The following SNX1 variants were observed in gnomAD, a reference collection of about 807,000 sequenced individuals.
The protein encoded by SNX1 is sorting nexin-1.
A neutral mutation model predicts 71.8 loss-of-function variants in SNX1; 36 were observed. The observed-to-expected ratio is 0.50, with a 90% confidence interval of 0.38 to 0.66. The LOEUF (loss-of-function observed/expected upper bound fraction) is 0.66, where lower values mean the gene tolerates loss of function less well. Among genes scored for constraint, SNX1 ranks in the 30% least tolerant of loss-of-function variants. SNX1 has a pLI of 0.00. For synonymous variants in SNX1, 254 were observed against 240.7 expected, an observed-to-expected ratio of 1.06 and a Z score of -0.51; for missense variants, 612 against 646.7, an observed-to-expected ratio of 0.95 and a Z score of 0.58.
At chr15:64,124,178 A>ATATATATATATATGTATG (rs1445871067) in intron 5 of SNX1, among the ~76,000 whole-genome samples, 21 of 123,560 alleles carry the variant, frequency 1.7e-4, no homozygotes, top group African/African-American at 6.1e-4. Flanking sequence ...ATATATATAT[A>ATATATATATATATGTATG]TGACTGTTTT....
In SNX1 at chr15:64,127,750, A is replaced by C. The variant is rs2081268680; in HGVS notation, c.751A>C (p.Asn251His). Residue 251 changes from asparagine to histidine, a missense_variant, in exon 8 of 15, where the codon AAT (asparagine) becomes CAT (histidine). Asn to His is a moderately conservative substitution (Grantham distance 68, BLOSUM62 1). Coordinates refer to ENST00000559844, the MANE Select transcript of SNX1 (RefSeq NM_003099.5). The stretch of plus-strand genomic sequence containing the variant: ...TTTTAGGTACCTTCAGAGGATTGTA[A>C]ATCATCCTACCATGTTACAGGACCC... ...ALERYLQRIV[N>H]HPTMLQDPDV... The C allele has an allele frequency of 6.2e-7, 1 of 1,613,924 alleles. No homozygotes were observed. The highest frequency in any genetic ancestry group is 8.5e-7 in the Non-Finnish European group (1 of 1,179,818).
chr15:64,137,767 T>C lies in SNX1; in HGVS notation c.*149T>C. 6.8e-7 allele frequency: 1 copy of C among 1,463,844 alleles called. No homozygotes were observed. Among genetic ancestry groups the C allele is most frequent in the Non-Finnish European group, 9.0e-7 (1 of 1,105,758 alleles). 90.7% of individuals were successfully genotyped at this position (1,463,844 alleles called of 1,614,324 possible). A position where few individuals can be genotyped will look rare whatever the true frequency, so the allele number is the denominator to read the frequency against. On this transcript the variant is annotated 3_prime_UTR_variant, in exon 15 of 15. Transcript: ENST00000559844. The stretch of plus-strand genomic sequence containing the variant: ...CCCACGACCAACTGTCCCCAGTTAC[T>C]CTAACCGTTATTTCATTTAGCTTCC...
At chr15:64,115,978 T>C (rs1441761697) in intron 2 of SNX1, among the ~76,000 whole-genome samples, 2 of 152,244 alleles carry the variant, frequency 1.3e-5, no homozygotes, top group Non-Finnish European at 2.9e-5. Flanking sequence ...ATGTTCATTA[T>C]ATGTATAGTT....
chr15:64,120,491 T>G (rs540373635), intron 4 of SNX1, among the ~76,000 whole-genome samples: 3 of 152,024 alleles, frequency 2.0e-5, no homozygotes, highest in Admixed American at 6.6e-5. Flanking sequence ...CCTAACCTGG[T>G]CTCTGGCCAA....
At position 64,127,191 on chromosome 15, in the gene SNX1, GT is replaced by G. The variant is rs2081262744; in HGVS notation, c.672del (p.Lys226ArgfsTer17). The G allele has an allele frequency of 6.2e-7, 1 of 1,613,334 alleles. No individual in the cohort carries two copies. The highest frequency in any genetic ancestry group is 1.7e-5 in the Admixed American group (1 of 59,860). On this transcript the variant is annotated frameshift_variant, in exon 7 of 15. Transcript: ENST00000559844. LOFTEE classifies it high-confidence loss of function. The part of the protein sequence containing the change: ...KSLIGMTKVK[V>X]GKEDSSSAEF... Reference sequence around the variant, plus strand: ...CATTCTAGGGATGACAAAAGTGAAAGTTGGGAAGGAAGATTCTTCTTCTGCA... The same window carrying G: ...CATTCTAGGGATGACAAAAGTGAAAGTGGGAAGGAAGATTCTTCTTCTGCA...
Position 64,137,900 on chromosome 15 carries a change from A to G in SNX1, c.*282A>G, listed in dbSNP as rs2081376161. On this transcript the variant is annotated 3_prime_UTR_variant, in exon 15 of 15. Transcript: ENST00000559844. Reference sequence around the variant, plus strand: ...GGAGTATTGATATAAATATATAAATACAAATGTATATTTTTCAGGATGTGG... The same window carrying G: ...GGAGTATTGATATAAATATATAAATGCAAATGTATATTTTTCAGGATGTGG... 1 of 1,405,400 alleles carries G rather than the reference A, an allele frequency of 7.1e-7. No individual in the cohort carries two copies. 87.1% of individuals were successfully genotyped at this position (1,405,400 alleles called of 1,614,324 possible).
intron 12 of SNX1, among the ~76,000 whole-genome samples, chr15:64,135,227 C>T (rs56026301): frequency 0.54 from 82,168 of 151,556 alleles, 27,143 homozygotes; most frequent in East Asian, 0.81. Flanking sequence ...ACGCCATTCT[C>T]CTGCCTCAGC....
At chr15:64,123,393 C>A in intron 4 of SNX1, 110 bp from the exon 5 acceptor site, 1 of 890,286 alleles carries the variant, frequency 1.1e-6, no homozygotes, top group Non-Finnish European at 1.8e-6. Context: ...AAACAAGCAT[C>A]CCTTCTTATC....
At chr15:64,119,026 GT>G (rs2081163375) in intron 4 of SNX1, among the ~76,000 whole-genome samples, 172 bp downstream of exon 4, 1 of 146,256 alleles carries the variant, frequency 6.8e-6, no homozygotes. Context: ...AGAGACTGCT[GT>G]TACTCAATGC....
At chr15:64,132,254 C>A in intron 11 of SNX1, 1 of 282,442 alleles carries the variant, frequency 3.5e-6, no homozygotes, top group Non-Finnish European at 6.9e-6. Context: ...GTGACTTCCT[C>A]AGTCCTTTGG....
intron 10 of SNX1, 165 bp from the exon 11 acceptor site, chr15:64,131,522 C>T: frequency 1.6e-6 from 1 of 638,820 alleles, no homozygotes; most frequent in Non-Finnish European, 2.7e-6. Context: ...ATTCTCTTTA[C>T]TCTCTGAATA....
chr15:64,112,334 A>G (rs1277939794), intron 1 of SNX1, among the ~76,000 whole-genome samples: 1 of 152,204 alleles, frequency 6.6e-6, no homozygotes, highest in Non-Finnish European at 1.5e-5. Context: ...TGTTGGTATC[A>G]TGTGCTTTGG....
Position 64,138,325 on chromosome 15 carries a change from CTTTTTT to C in SNX1, c.*718_*723del. ...AAGGAGGCAGAGACTTTCTCTCTCT[CTTTTTT>C]TTTTTTTTTTGGTGTCCCTATCATT... On this transcript the variant is annotated 3_prime_UTR_variant, in exon 15 of 15. Transcript: ENST00000559844. The C allele has an allele frequency of 9.1e-6, 5 of 550,440 alleles. No individual in the cohort carries two copies. Among genetic ancestry groups the C allele is most frequent in the South Asian group, 9.0e-5 (3 of 33,404 alleles). The allele number at this position is 550,440 out of a possible 1,614,324, so 34.1% of individuals were successfully genotyped here.
At chr15:64,101,180 G>C (rs956313268) in intron 1 of SNX1, among the ~76,000 whole-genome samples, 1 of 152,178 alleles carries the variant, frequency 6.6e-6, no homozygotes, top group Non-Finnish European at 1.5e-5. Context: ...TAAGTGTATA[G>C]TTTAGTAGCA....
chr15:64,112,720 C>G (rs1484348118), intron 2 of SNX1, 36 bp downstream of exon 2: 1 of 1,350,266 alleles, frequency 7.4e-7, no homozygotes, highest in African/African-American at 1.5e-5. Flanking sequence ...TAGGAACCTC[C>G]TAAATGGCTT....
At chr15:64,106,851 G>T (rs557021805) in intron 1 of SNX1, among the ~76,000 whole-genome samples, 1 of 152,188 alleles carries the variant, frequency 6.6e-6, no homozygotes, top group Non-Finnish European at 1.5e-5. Flanking sequence ...CTGACACCTT[G>T]ATTTTAGCCC....
intron 2 of SNX1, among the ~76,000 whole-genome samples, chr15:64,113,207 C>G (rs1208043652): frequency 6.6e-6 from 1 of 152,240 alleles, no homozygotes; most frequent in Non-Finnish European, 1.5e-5. Flanking sequence ...AATCCACCAA[C>G]AAGCTGTAAC....
chr15:64,104,354 G>C (rs1429418878), intron 1 of SNX1, among the ~76,000 whole-genome samples: 2 of 144,726 alleles, frequency 1.4e-5, no homozygotes, highest in African/African-American at 5.1e-5. Flanking sequence ...CTCACTGCAA[G>C]CTCTGCCTCC....
Position 64,142,106 on chromosome 15 carries a change from A to T in SNX1, c.*4488A>T, listed in dbSNP as rs2081419327. ...GTATTCCTAGCATTTTGGGAGGCCG[A>T]GGTGGGAGAATCACTTGAGCCCAAG... On this transcript the variant is annotated 3_prime_UTR_variant, in exon 15 of 15. Coordinates refer to ENST00000559844, the MANE Select transcript of SNX1 (RefSeq NM_003099.5). 1.3e-5 allele frequency: 2 copies of T among 153,366 alleles called. No homozygotes were observed. Among genetic ancestry groups the T allele is most frequent in the Non-Finnish European group, 2.9e-5 (2 of 68,980 alleles). The allele number at this position is 153,366 out of a possible 1,614,324, so 9.5% of individuals were successfully genotyped here. A position where few individuals can be genotyped will look rare whatever the true frequency, so the allele number is the denominator to read the frequency against.
Sources: gnomAD v4.1 joint callset for allele counts (sites outside exome capture counted in the v4.1 genomes callset) on GRCh38, gnomAD v4.1.1 for gene constraint, MANE v1.5 for transcripts, NCBI Gene and HGNC (gene_info 2026-07-23, HGNC 2026-07-21) for gene names.